The following ZC3H3 variants were observed in gnomAD, a reference collection of about 807,000 sequenced individuals.
ZC3H3 encodes the protein zinc finger CCCH-type containing 3.
ZC3H3 carries 36 observed loss-of-function variants against 77.3 expected under a neutral mutation model. That is an observed-to-expected ratio of 0.47 (90% CI 0.36 to 0.61). The LOEUF is 0.61. ZC3H3 is among the 20% of genes least tolerant of loss of function. ZC3H3 has a pLI of 0.00. For missense variants in ZC3H3, 1,331 were observed against 1,312.2 expected (o/e 1.01, Z -0.22); for synonymous variants, 626 against 555.2 (o/e 1.13, Z -1.79).
At chr8:143,490,114 G>C (rs569957885) in intron 4 of ZC3H3, among the ~76,000 whole-genome samples, 2 of 152,304 alleles carry the variant, frequency 1.3e-5, no homozygotes, top group East Asian at 3.9e-4. Context: ...ACTGGGGATG[G>C]GGCAGGGGCG....
intron 4 of ZC3H3, among the ~76,000 whole-genome samples, chr8:143,476,053 C>G (rs549451887): frequency 6.6e-6 from 1 of 152,312 alleles, no homozygotes; most frequent in South Asian, 2.1e-4. Flanking sequence ...GAGAAGCACA[C>G]CTGGCCCTTG....
intron 2 of ZC3H3, among the ~76,000 whole-genome samples, chr8:143,537,572 G>A (rs958458545): frequency 5.3e-5 from 8 of 152,216 alleles, no homozygotes; most frequent in Non-Finnish European, 8.8e-5. Context: ...ACCCGTGGCC[G>A]GCAGGTCCAG....
At chr8:143,468,183 AGCAGG>A (rs1443163282) in intron 8 of ZC3H3, 21 bp downstream of exon 8, 2 of 1,602,254 alleles carry the variant, frequency 1.2e-6, no homozygotes, top group East Asian at 2.2e-5. Flanking sequence ...GGTGCACGGG[AGCAGG>A]GCCACCAGCG....
chr8:143,452,546 A>T (rs1820015576), intron 9 of ZC3H3, among the ~76,000 whole-genome samples: 1 of 151,946 alleles, frequency 6.6e-6, no homozygotes, highest in Non-Finnish European at 1.5e-5. Flanking sequence ...ATTATTTCAT[A>T]AAGACAGAAC....
intron 3 of ZC3H3, among the ~76,000 whole-genome samples, chr8:143,515,837 C>T (rs1458242508): frequency 4.6e-5 from 7 of 152,364 alleles, no homozygotes; most frequent in African/African-American, 7.2e-5. Context: ...CTGGACACAC[C>T]GGCCGCCTCT....
At chr8:143,534,062 T>C (rs2130507167) in intron 3 of ZC3H3, among the ~76,000 whole-genome samples, 1 of 151,956 alleles carries the variant, frequency 6.6e-6, no homozygotes, top group East Asian at 2.0e-4. Context: ...GGCAGGAGGA[T>C]CACTTGAGCC....
Position 143,460,022 on chromosome 8 carries a change from G to A in ZC3H3, c.2307+5695C>T, listed in dbSNP as rs1268535854. Among the ~76,000 whole-genome samples the A allele has an allele frequency of 2.0e-5, 3 of 151,796 alleles. No individual in the cohort carries two copies. Among genetic ancestry groups the A allele is most frequent in the East Asian group, 1.9e-4 (1 of 5,190 alleles). ...AGCACTTTGGGAGGCCAAGGCAGGCGGATCATCTGAGGTCACGAGTTTGAG... is the reference window on the plus strand; with the variant it reads ...AGCACTTTGGGAGGCCAAGGCAGGCAGATCATCTGAGGTCACGAGTTTGAG... On this transcript the variant is annotated intron_variant, in intron 9 of 11. Coordinates refer to ENST00000262577, the MANE Select transcript of ZC3H3 (RefSeq NM_015117.3). The surrounding 1 kb of genome is among the most constrained non-coding windows in gnomAD (Gnocchi z 4.0).
At chr8:143,453,842 G>A (rs1820046967) in intron 9 of ZC3H3, among the ~76,000 whole-genome samples, 1 of 152,168 alleles carries the variant, frequency 6.6e-6, no homozygotes, top group Non-Finnish European at 1.5e-5. Context: ...GGAGGTTAAG[G>A]GAGATGAGGG....
rs766529148 is a variant in ZC3H3 at position 143,440,206 on chromosome 8, C to G, written c.2650G>C (p.Ala884Pro). 1 of 1,610,064 alleles carries G rather than the reference C, an allele frequency of 6.2e-7. No homozygotes were observed. The highest frequency in any genetic ancestry group is 8.5e-7 in the Non-Finnish European group (1 of 1,179,002). ...SSSSSSSSPPASLDHEAPSLQ... is the reference protein window; with the variant it reads ...SSSSSSSSPPPSLDHEAPSLQ... Reference sequence around the variant, plus strand: ...GATGGTGCCTCGTGGTCCAAGGAAGCGGGAGGGGATGAGGAGGAGGAGGAG... The same window carrying G: ...GATGGTGCCTCGTGGTCCAAGGAAGGGGGAGGGGATGAGGAGGAGGAGGAG... The change falls in exon 11 of 12, where the codon GCT becomes CCT. Residue 884 changes from alanine to proline, a missense_variant. Physicochemically the swap from Ala to Pro is conservative, Grantham distance 27. Transcript: ENST00000262577.
intron 11 of ZC3H3, among the ~76,000 whole-genome samples, chr8:143,439,700 G>A (rs1819676188): frequency 1.3e-5 from 2 of 152,240 alleles, no homozygotes; most frequent in African/African-American, 2.4e-5. Flanking sequence ...CCCTGCCCCA[G>A]GGCTGGCAGG....
Position 143,507,896 on chromosome 8 carries a change from G to C in ZC3H3, c.1565C>G (p.Ser522Cys). ...TGCAGTCCGCACGGCATGCAGGCTG[G>C]ACGCTGTAGAGAAAACCCAGGGCAC... ...SRAHLPTKEA[S>C]SLHAVRTAPT... The change falls in exon 4 of 12, where the codon TCC becomes TGC. Residue 522 changes from serine (S) to cysteine (C), a missense_variant. Coordinates refer to ENST00000262577, the MANE Select transcript of ZC3H3 (RefSeq NM_015117.3). 1 of 1,587,172 alleles carries C rather than the reference G, an allele frequency of 6.3e-7. No homozygotes were observed. Among genetic ancestry groups the C allele is most frequent in the Non-Finnish European group, 8.6e-7 (1 of 1,162,950 alleles).
Position 143,441,041 on chromosome 8 carries a change from A to G in ZC3H3, c.2387T>C (p.Leu796Pro), listed in dbSNP as rs918937694. ...ACPRGAQCQL[L>P]HRTQKRHSRR... ...ACTGTGGCGTTTCTGGGTACGGTGG[A>G]GCAGCTGGCACTGGGCGCCGCGGGG... The change falls in exon 10 of 12, where the codon CTC becomes CCC. Residue 796 changes from leucine (L) to proline (P), a missense_variant. Around this residue, in one of 3 missense-constraint regions of ZC3H3, gnomAD observed 249 missense variants for 236.9 expected, o/e 1.05. Transcript: ENST00000262577. 7.4e-6 allele frequency: 11 copies of G among 1,487,314 alleles called. No individual in the cohort carries two copies. The African/African-American group carries it at 1.3e-4, about 18-fold the overall frequency. The allele number at this position is 1,487,314 out of a possible 1,614,324, so 92.1% of individuals were successfully genotyped here.
intron 5 of ZC3H3, among the ~76,000 whole-genome samples, chr8:143,472,233 C>A (rs1820587255): frequency 6.6e-6 from 1 of 152,240 alleles, no homozygotes; most frequent in African/African-American, 2.4e-5. Context: ...GAGACATGCC[C>A]CAGAAGGGCT....
chr8:143,503,445 G>A (rs186133572), intron 4 of ZC3H3, among the ~76,000 whole-genome samples: 3 of 152,190 alleles, frequency 2.0e-5, no homozygotes, highest in Non-Finnish European at 4.4e-5. Context: ...ACAACGACGA[G>A]CACTGGCCGG....
chr8:143,484,164 C>A (rs1016498102), intron 4 of ZC3H3, among the ~76,000 whole-genome samples: 1 of 152,200 alleles, frequency 6.6e-6, no homozygotes, highest in African/African-American at 2.4e-5. Flanking sequence ...GGCTGGCTCC[C>A]CCGGCCCCTG....
Position 143,539,075 on chromosome 8 carries a change from CCCCGTG to C in ZC3H3, c.286_291del (p.His96_Gly97del). ...GGGACAGGAGGCTGGCCCCCCCGGG[CCCCGTG>C]CAACGGCCGCACAGCATGGTCGGCA... On this transcript the variant is annotated inframe_deletion, in exon 2 of 12. Coordinates refer to ENST00000262577, the MANE Select transcript of ZC3H3 (RefSeq NM_015117.3). The C allele has an allele frequency of 6.2e-7, 1 of 1,612,950 alleles. No individual in the cohort carries two copies. The highest frequency in any genetic ancestry group is 8.5e-7 in the Non-Finnish European group (1 of 1,180,002).
intron 11 of ZC3H3, among the ~76,000 whole-genome samples, chr8:143,439,266 G>A (rs558643960): frequency 1.2e-4 from 18 of 152,168 alleles, no homozygotes; most frequent in African/African-American, 1.7e-4. Context: ...AACAGGAGGC[G>A]GCCCCTCCGA....
At chr8:143,488,440 A>G (rs1477988741) in intron 4 of ZC3H3, among the ~76,000 whole-genome samples, 3 of 136,036 alleles carry the variant, frequency 2.2e-5, no homozygotes, top group Non-Finnish European at 4.6e-5. Context: ...CACACACAGA[A>G]CAGCACCCGC....
At chr8:143,452,197 C>T (rs1820005008) in intron 9 of ZC3H3, among the ~76,000 whole-genome samples, 1 of 152,238 alleles carries the variant, frequency 6.6e-6, no homozygotes, top group Admixed American at 6.5e-5. Context: ...CCTTCCCTTC[C>T]TTGCCGGGGT....
Sources: allele counts gnomAD v4.1 joint callset (sites outside exome capture counted in the v4.1 genomes callset), GRCh38; gene constraint gnomAD v4.1.1; regional missense constraint gnomAD v4.1.1; non-coding constraint Gnocchi (gnomAD v3.1); transcripts MANE v1.5; gene names NCBI Gene and HGNC (gene_info 2026-07-23, HGNC 2026-07-21).